HIGD1A: variants seen among roughly 807,000 people sequenced by gnomAD.
HIGD1A encodes HIG1 hypoxia inducible domain family member 1A.
In HIGD1A, 8 loss-of-function variants were observed where a neutral mutation model predicts 11.3. That is an observed-to-expected ratio of 0.71 (90% confidence interval 0.42 to 1.28). The LOEUF (loss-of-function observed/expected upper bound fraction) is 1.28. Among genes scored for constraint, HIGD1A ranks in the 50% most tolerant of loss-of-function variants. The probability of loss-of-function intolerance (pLI) is 0.01; values close to 1 mark genes in which losing one functional copy is unlikely to be tolerated. For synonymous variants in HIGD1A, 32 were observed against 38.4 expected, an observed-to-expected ratio of 0.83 and a Z score of 0.62; for missense variants, 107 against 118.8, an observed-to-expected ratio of 0.90 and a Z score of 0.46.
Position 42,786,153 on chromosome 3 carries a change from C to G in HIGD1A, c.107G>C (p.Gly36Ala). 1 of 1,614,006 alleles carries G rather than the reference C, an allele frequency of 6.2e-7. No homozygotes were observed. Among genetic ancestry groups the G allele is most frequent in the East Asian group, 2.2e-5 (1 of 44,874 alleles). Residue 36 changes from glycine to alanine, a missense_variant, in exon 3 of 4, where the codon GGT becomes GCT. By Grantham distance (60) the Gly-to-Ala change is moderately conservative. Transcript: ENST00000321331. ...TCCATATGCAACAATTGCTGCAAAA[C>G]CCGCTATTCCTGTAAAACAAAGTAA... is the stretch of plus-strand genomic sequence containing the variant. Reference protein sequence around the residue: ...EAPFVPVGIAGFAAIVAYGLY... With the variant: ...EAPFVPVGIAAFAAIVAYGLY...
chr3:42,800,900 T>C (rs1328979850), intron 1 of HIGD1A, among the ~76,000 whole-genome samples: 2 of 152,228 alleles, frequency 1.3e-5, no homozygotes, highest in East Asian at 3.8e-4. Flanking sequence ...GCAGCATTCA[T>C]TAAACTCCTT....
intron 2 of HIGD1A, among the ~76,000 whole-genome samples, chr3:42,788,826 C>T (rs180813983): frequency 0.017 from 2,599 of 151,206 alleles, 30 homozygotes; most frequent in Middle Eastern, 0.031. Context: ...TGCAGTGAGC[C>T]GAGATCCTGC....
chr3:42,798,455 C>T (rs1700518292), intron 1 of HIGD1A, among the ~76,000 whole-genome samples: 1 of 1,166 alleles, frequency 8.6e-4, no homozygotes, highest in African/African-American at 1.0e-3. Context: ...CAGCCCCCCG[C>T]CCGGCCAGCC....
chr3:42,802,282 T>C (rs1403558036), intron 1 of HIGD1A, among the ~76,000 whole-genome samples: 1 of 152,094 alleles, frequency 6.6e-6, no homozygotes, highest in East Asian at 1.9e-4. Context: ...CTGAAGCTTG[T>C]ATGGATAGGG....
intron 1 of HIGD1A, among the ~76,000 whole-genome samples, chr3:42,802,508 C>T (rs1006892825): frequency 6.6e-6 from 1 of 152,094 alleles, no homozygotes; most frequent in Admixed American, 6.5e-5. Flanking sequence ...ATTATAATTC[C>T]CATATAGTAC....
intron 2 of HIGD1A, among the ~76,000 whole-genome samples, chr3:42,793,054 T>C (rs545336313): frequency 1.3e-5 from 2 of 151,316 alleles, no homozygotes; most frequent in African/African-American, 4.8e-5. Context: ...AATACATATA[T>C]GCATCTTAGT....
chr3:42,804,222 A>T, intron 1 of HIGD1A: 1 of 1,602,100 alleles, frequency 6.2e-7, no homozygotes, highest in Non-Finnish European at 8.5e-7. Context: ...CCCTCACCCG[A>T]AGGACCCTAG....
chr3:42,787,449 G>A (rs570615774), intron 2 of HIGD1A, among the ~76,000 whole-genome samples: 42 of 151,594 alleles, frequency 2.8e-4, no homozygotes, highest in African/African-American at 9.9e-4. Flanking sequence ...AAAATTAGCC[G>A]GGCATGGTGG....
chr3:42,786,971 G>A (rs1043947651), intron 2 of HIGD1A, among the ~76,000 whole-genome samples: 5 of 151,932 alleles, frequency 3.3e-5, no homozygotes, highest in Admixed American at 3.3e-4. Flanking sequence ...AAACCTAGAG[G>A]AAAATATCCA....
chr3:42,799,516 G>A (rs958505990), intron 1 of HIGD1A, among the ~76,000 whole-genome samples: 5 of 152,174 alleles, frequency 3.3e-5, no homozygotes, highest in African/African-American at 7.2e-5. Context: ...GCTGGAGCAC[G>A]ATCTCGATCT....
chr3:42,802,082 AAGAAAGTTGGT>A (rs1276751417), intron 1 of HIGD1A, among the ~76,000 whole-genome samples: 1 of 152,200 alleles, frequency 6.6e-6, no homozygotes, highest in Non-Finnish European at 1.5e-5. Flanking sequence ...TAAAAATAGC[AAGAAAGTTGGT>A]AGTTTTTCTT....
rs186642864 is a variant in HIGD1A at position 42,795,904 on chromosome 3, T to C, written c.-22-1629A>G. Among the ~76,000 whole-genome samples, 79 of 152,324 alleles carry C rather than the reference T, an allele frequency of 5.2e-4. No homozygotes were observed. The East Asian group carries it at 0.013, about 25-fold the overall frequency. On this transcript the variant is annotated intron_variant, in intron 1 of 3. Coordinates refer to ENST00000321331, the MANE Select transcript of HIGD1A (RefSeq NM_014056.4). ...AACTATTTTGAATTGCAATAAACTT[T>C]ACTCACAGATAAAATAAGGGCCTGA...
intron 1 of HIGD1A, among the ~76,000 whole-genome samples, chr3:42,800,741 G>T (rs544153553): frequency 3.3e-5 from 5 of 151,934 alleles, no homozygotes; most frequent in Non-Finnish European, 7.4e-5. Context: ...ATCAACAAAA[G>T]GTCTTGGACT....
chr3:42,789,431 T>G (rs1371279964), intron 2 of HIGD1A, among the ~76,000 whole-genome samples: 2 of 151,532 alleles, frequency 1.3e-5, no homozygotes, highest in Non-Finnish European at 2.9e-5. Flanking sequence ...TTTGGGAGGC[T>G]GAGGTAGGAG....
intron 2 of HIGD1A, among the ~76,000 whole-genome samples, chr3:42,788,852 T>TG: frequency 6.6e-6 from 1 of 150,634 alleles, no homozygotes; most frequent in Non-Finnish European, 1.5e-5. Flanking sequence ...CACTCCAGCC[T>TG]GGGCGACAGA....
chr3:42,800,809 C>T (rs1266770266), intron 1 of HIGD1A, among the ~76,000 whole-genome samples: 1 of 151,246 alleles, frequency 6.6e-6, no homozygotes, highest in African/African-American at 2.4e-5. Flanking sequence ...ATGCTTAGCT[C>T]TTATGAGATG....
At chr3:42,792,840 G>A (rs1282696935) in intron 2 of HIGD1A, among the ~76,000 whole-genome samples, 3 of 151,690 alleles carry the variant, frequency 2.0e-5, no homozygotes, top group African/African-American at 4.8e-5. Flanking sequence ...GAAATTAGCT[G>A]GCGTGGCGGC....
intron 2 of HIGD1A, among the ~76,000 whole-genome samples, chr3:42,788,679 C>T (rs1700381572): frequency 6.6e-6 from 1 of 151,828 alleles, no homozygotes. Context: ...AACAGGAGTT[C>T]GAGACTAGCC....
intron 1 of HIGD1A, among the ~76,000 whole-genome samples, chr3:42,803,286 A>C (rs1171261839): frequency 6.6e-6 from 1 of 152,234 alleles, no homozygotes; most frequent in African/African-American, 2.4e-5. Flanking sequence ...CAGCATCAGG[A>C]GACGTAACAG....
Sources: gnomAD v4.1 joint callset for allele counts (sites outside exome capture counted in the v4.1 genomes callset) on GRCh38, gnomAD v4.1.1 for gene constraint, MANE v1.5 for transcripts, NCBI Gene and HGNC (gene_info 2026-07-23, HGNC 2026-07-21) for gene names.